Variants in SPTBN1 observed in about 807,000 individuals in gnomAD.
SPTBN1 encodes spectrin beta, non-erythrocytic 1.
Under a neutral mutation model 266.4 loss-of-function variants are expected in SPTBN1, and 32 were observed. That is an observed-to-expected ratio of 0.12 (90% CI 0.09 to 0.16). The LOEUF is 0.16. Ranked by LOEUF, SPTBN1 falls within the 10% of genes least tolerant of loss-of-function variation. The pLI is 1.00. For synonymous variants in SPTBN1, 1,336 were observed against 1,162.2 expected (o/e 1.15, Z -3.04); for missense variants, 2,296 against 3,067.1 (o/e 0.75, Z 5.94).
intron 2 of SPTBN1, among the ~76,000 whole-genome samples, chr2:54,564,670 T>C (rs1238856303): frequency 6.6e-6 from 1 of 152,234 alleles, no homozygotes; most frequent in Non-Finnish European, 1.5e-5. Flanking sequence ...AATCATTTCA[T>C]GTGTCAGGAT....
At chr2:54,572,783 A>G (rs964353035) in intron 2 of SPTBN1, among the ~76,000 whole-genome samples, 6 of 152,230 alleles carry the variant, frequency 3.9e-5, no homozygotes, top group Non-Finnish European at 4.4e-5. Flanking sequence ...GCTTGACTGT[A>G]GCCAGTTTGA....
At chr2:54,648,605 T>G (rs1680067073) in intron 24 of SPTBN1, among the ~76,000 whole-genome samples, 1 of 152,216 alleles carries the variant, frequency 6.6e-6, no homozygotes, top group African/African-American at 2.4e-5. Flanking sequence ...GGGAAGATTT[T>G]GCATTAACTT....
In SPTBN1 at chr2:54,628,169, G is replaced by A. The variant is rs745456074; in HGVS notation, c.1717G>A (p.Val573Ile). ...AGACCTGTTACAGAAGCACACCCTGGTTGAAGCAGACATTGGCATCCAGGC... is the reference window on the plus strand; with the variant it reads ...AGACCTGTTACAGAAGCACACCCTGATTGAAGCAGACATTGGCATCCAGGC... Reference protein sequence around the residue: ...VEDLLQKHTLVEADIGIQAER... With the variant: ...VEDLLQKHTLIEADIGIQAER... Residue 573 changes from valine to isoleucine, a missense_variant, in exon 13 of 36, where the codon GTT becomes ATT. Val to Ile is a conservative substitution (Grantham distance 29, BLOSUM62 3). This residue lies in a region of SPTBN1 where 434 missense variants were observed against 573.9 expected (regional missense o/e 0.76). Transcript: ENST00000356805. The surrounding 1 kb of genome is among the most constrained non-coding windows in gnomAD (Gnocchi z 4.3). The A allele has an allele frequency of 2.5e-6, 4 of 1,614,134 alleles. No homozygotes were observed. The Admixed American group carries it at 6.7e-5, about 27-fold the overall frequency.
chr2:54,660,006 T>TA lies in SPTBN1; in HGVS notation c.6420+8dup. On this transcript the variant is annotated splice_region_variant and intron_variant, in intron 32 of 35. Transcript: ENST00000356805. ...TGAACAGGGATCTCCACGGGTTAGT[T>TA]ACCGCTCTCAAACCTACCAAAACTA... The TA allele has an allele frequency of 6.2e-7, 1 of 1,614,192 alleles. No homozygotes were observed. The highest frequency in any genetic ancestry group is 8.5e-7 in the Non-Finnish European group (1 of 1,180,040).
In SPTBN1 at chr2:54,653,815, G is replaced by A. The variant is rs1680468040; in HGVS notation, c.5784G>A (p.Glu1928=). 6.2e-7 allele frequency: 1 copy of A among 1,613,812 alleles called. No individual in the cohort carries two copies. Among genetic ancestry groups the A allele is most frequent in the Non-Finnish European group, 8.5e-7 (1 of 1,179,924 alleles). Residue 1928 remains glutamate, a synonymous_variant, in exon 27 of 36, where the codon GAG becomes GAA. Transcript: ENST00000356805. This position sits in a 1 kb window ranked among gnomAD's most constrained non-coding sequence, Gnocchi z 5.1. The part of the protein sequence containing the change: ...SMVRDLMLWM[E]DVIRQIEAQE... ...TGCGCGACCTCATGCTCTGGATGGA[G>A]GATGTCATCCGGCAGATCGAGGCCC... is the stretch of plus-strand genomic sequence containing the variant.
At position 54,649,556 on chromosome 2, in the gene SPTBN1, A is replaced by T; in HGVS notation, c.5203-59A>T. 1 of 1,569,898 alleles carries T rather than the reference A, an allele frequency of 6.4e-7. No homozygotes were observed. Among genetic ancestry groups the T allele is most frequent in the Non-Finnish European group, 8.7e-7 (1 of 1,154,888 alleles). On this transcript the variant is annotated intron_variant, in intron 25 of 35. Coordinates refer to ENST00000356805, the MANE Select transcript of SPTBN1 (RefSeq NM_003128.3). This position sits in a 1 kb window ranked among gnomAD's most constrained non-coding sequence, Gnocchi z 6.7. Reference sequence around the variant, plus strand: ...TTTCTTTCCAAAGGGTATTCATGTGATCAAGAAATACAGAGTTCACAGTGG... The same window carrying T: ...TTTCTTTCCAAAGGGTATTCATGTGTTCAAGAAATACAGAGTTCACAGTGG...
chr2:54,592,226 C>T (rs1480404637), intron 2 of SPTBN1, among the ~76,000 whole-genome samples: 1 of 152,064 alleles, frequency 6.6e-6, no homozygotes, highest in Non-Finnish European at 1.5e-5. Context: ...GCATTACAGC[C>T]TTTCAGTATT....
chr2:54,586,082 A>G (rs910963301), intron 2 of SPTBN1, among the ~76,000 whole-genome samples: 2 of 152,200 alleles, frequency 1.3e-5, no homozygotes, highest in African/African-American at 4.8e-5. Context: ...GTATAAAATT[A>G]TACATTTTGT....
intron 2 of SPTBN1, among the ~76,000 whole-genome samples, chr2:54,575,031 C>A (rs1206901859): frequency 6.6e-6 from 1 of 152,196 alleles, no homozygotes; most frequent in Non-Finnish European, 1.5e-5. Flanking sequence ...TGGTGAACTT[C>A]TGCAGCAAGA....
intron 2 of SPTBN1, chr2:54,557,900 C>T (rs1307278834): frequency 2.0e-6 from 2 of 985,218 alleles, no homozygotes; most frequent in Middle Eastern, 5.2e-4. Context: ...CGGTGGCTCG[C>T]CGGGCCGCCG....
chr2:54,660,249 G>T (rs1680948551), intron 32 of SPTBN1: 3 of 1,360,902 alleles, frequency 2.2e-6, no homozygotes, highest in Non-Finnish European at 2.8e-6. Context: ...TTAACTGATG[G>T]ATGCCCACTT....
chr2:54,501,704 T>C (rs1009182308), intron 1 of SPTBN1, among the ~76,000 whole-genome samples: 5 of 152,160 alleles, frequency 3.3e-5, no homozygotes, highest in African/African-American at 1.2e-4. Context: ...ACATGGCGGG[T>C]CAGGTTGATG....
chr2:54,526,365 C>G lies in SPTBN1; in HGVS notation c.-47-7C>G. ...CGTCTAAATGTTTTTCCTTTTCTTT[C>G]TCATAGAACTCTAAGAAGGAGCTGA... On this transcript the variant is annotated splice_polypyrimidine_tract_variant and splice_region_variant and intron_variant, in intron 1 of 35. Transcript: ENST00000356805. 1.3e-6 allele frequency: 2 copies of G among 1,598,086 alleles called. No individual in the cohort carries two copies. The highest frequency in any genetic ancestry group is 1.7e-6 in the Non-Finnish European group (2 of 1,171,804).
At chr2:54,526,316 C>A in intron 1 of SPTBN1, 56 bp from the exon 2 acceptor site, 1 of 1,424,880 alleles carries the variant, frequency 7.0e-7, no homozygotes, top group Non-Finnish European at 9.5e-7. Context: ...CAGTTGGTTC[C>A]GTGGGGACTG....
chr2:54,459,612 A>G (rs890983331), intron 1 of SPTBN1, among the ~76,000 whole-genome samples: 2 of 149,012 alleles, frequency 1.3e-5, no homozygotes, highest in Non-Finnish European at 3.0e-5. Flanking sequence ...AATTTTTTTT[A>G]CGTGCAATGA....
intron 1 of SPTBN1, among the ~76,000 whole-genome samples, chr2:54,459,629 G>A (rs1693254966): frequency 1.3e-5 from 2 of 152,026 alleles, no homozygotes; most frequent in Admixed American, 6.6e-5. Flanking sequence ...ATGACATGAT[G>A]CTCCTTTAAT....
intron 2 of SPTBN1, among the ~76,000 whole-genome samples, chr2:54,582,282 A>C (rs1409039280): frequency 1.3e-5 from 2 of 152,186 alleles, no homozygotes; most frequent in Admixed American, 1.3e-4. Context: ...ACACTTAAAA[A>C]GGAAGGTGTC....
intron 2 of SPTBN1, chr2:54,529,288 T>TA (rs1415236046): frequency 7.0e-5 from 33 of 471,244 alleles, no homozygotes; most frequent in Non-Finnish European, 1.1e-4. Flanking sequence ...TAGGAAGAAA[T>TA]AAAGTTTCAA....
chr2:54,608,780 A>G (rs1573520543), intron 3 of SPTBN1, among the ~76,000 whole-genome samples: 2 of 152,102 alleles, frequency 1.3e-5, no homozygotes, highest in African/African-American at 4.8e-5. Context: ...GCCGCTGAAA[A>G]TCTTCCTATG....
Sources: gnomAD v4.1 joint callset for allele counts (sites outside exome capture counted in the v4.1 genomes callset) on GRCh38, gnomAD v4.1.1 for gene constraint, gnomAD v4.1.1 regional missense constraint, Gnocchi (gnomAD v3.1) non-coding constraint, MANE v1.5 for transcripts, NCBI Gene and HGNC (gene_info 2026-07-23, HGNC 2026-07-21) for gene names.